The following RP1 variants were observed in gnomAD, a reference collection of about 807,000 sequenced individuals.
RP1 encodes RP1 axonemal microtubule associated.
Under a neutral mutation model 14.8 loss-of-function variants are expected in RP1, and 16 were observed. That is an observed-to-expected ratio of 1.08 (90% CI 0.73 to 1.65). RP1 has a LOEUF of 1.65. Among genes scored for constraint, RP1 ranks in the 40% most tolerant of loss-of-function variants. The probability of loss-of-function intolerance (pLI) is 0.00; values close to 1 mark genes in which losing one functional copy is unlikely to be tolerated. For synonymous variants in RP1, 876 were observed against 883.6 expected (o/e 0.99, Z 0.15); for missense variants, 2,631 against 2,535.0 (o/e 1.04, Z -0.81).
chr8:54,739,119 C>T, intron 19 of RP1: 1 of 850,466 alleles, frequency 1.2e-6, no homozygotes, highest in South Asian at 1.8e-5. Flanking sequence ...CGGTATTTTC[C>T]TAATTACAGA....
At chr8:54,694,853 T>C (rs1418305795) in intron 12 of RP1, among the ~76,000 whole-genome samples, 1 of 152,196 alleles carries the variant, frequency 6.6e-6, no homozygotes, top group Non-Finnish European at 1.5e-5. Flanking sequence ...ATTTCTTGCC[T>C]TCTGCTAGCT....
intron 12 of RP1, among the ~76,000 whole-genome samples, chr8:54,685,358 T>C (rs1322842514): frequency 1.3e-5 from 2 of 152,204 alleles, no homozygotes; most frequent in East Asian, 3.8e-4. Context: ...GTTGTCTCTT[T>C]GTTCTCATTA....
chr8:54,642,619 A>T (rs1181778742), intron 3 of RP1, among the ~76,000 whole-genome samples: 1 of 152,110 alleles, frequency 6.6e-6, no homozygotes, highest in East Asian at 1.9e-4. Context: ...TCTGTATTTA[A>T]AGATACATGA....
intron 24 of RP1, among the ~76,000 whole-genome samples, chr8:54,832,707 ACT>A (rs1381166573): frequency 6.6e-6 from 1 of 151,026 alleles, no homozygotes; most frequent in Non-Finnish European, 1.5e-5. Flanking sequence ...TAGTGCAGTA[ACT>A]CTGTATTCTG....
At chr8:54,777,236 T>A (rs1810065356) in intron 23 of RP1, among the ~76,000 whole-genome samples, 1 of 152,230 alleles carries the variant, frequency 6.6e-6, no homozygotes, top group South Asian at 2.1e-4. Context: ...ATGGAACCTA[T>A]CCCTGTCTTG....
At chr8:54,740,403 T>TAAAAAAAAAAAAAAAAAA (rs34753388) in intron 19 of RP1, among the ~76,000 whole-genome samples, 6 of 80,244 alleles carry the variant, frequency 7.5e-5, no homozygotes, top group African/African-American at 2.8e-4. Flanking sequence ...GCTTAAAAAG[T>TAAAAAAAAAAAAAAAAAA]AAAAAAAAAA....
At chr8:54,860,644 C>T (rs529552332) in intron 27 of RP1, among the ~76,000 whole-genome samples, 1 of 152,296 alleles carries the variant, frequency 6.6e-6, no homozygotes, top group Admixed American at 6.5e-5. Context: ...TTCCAGAGGT[C>T]CTCAGACTGC....
intron 3 of RP1, among the ~76,000 whole-genome samples, chr8:54,641,627 C>G (rs1293739799): frequency 6.6e-6 from 1 of 151,882 alleles, no homozygotes; most frequent in Admixed American, 6.6e-5. Context: ...GCTTTTTTGC[C>G]CTCCAAAAAC....
intron 26 of RP1, among the ~76,000 whole-genome samples, chr8:54,853,967 G>A (rs1812125595): frequency 6.8e-6 from 1 of 146,622 alleles, no homozygotes; most frequent in Non-Finnish European, 1.5e-5. Context: ...AGAAAAGAGA[G>A]AAAGAAAGAG....
chr8:54,570,505 T>G (rs752487031), intron 1 of RP1, among the ~76,000 whole-genome samples: 5 of 151,942 alleles, frequency 3.3e-5, no homozygotes, highest in Admixed American at 1.3e-4. Flanking sequence ...ATTTTTATAT[T>G]TTTAGTAGAG....
intron 1 of RP1, among the ~76,000 whole-genome samples, chr8:54,619,897 A>G (rs1805814471): frequency 6.6e-6 from 1 of 152,156 alleles, no homozygotes; most frequent in Non-Finnish European, 1.5e-5. Flanking sequence ...TGTCAAGTAC[A>G]TTTTCCTCCA....
Position 54,628,017 on chromosome 8 carries a change from G to A in RP1, c.4135G>A (p.Glu1379Lys), listed in dbSNP as rs1806123708. 6.2e-7 allele frequency: 1 copy of A among 1,613,854 alleles called. No individual in the cohort carries two copies. Residue 1379 changes from glutamate (E) to lysine (K), a missense_variant, in exon 4 of 4, where the codon GAA becomes AAA. Glu to Lys is a moderately conservative substitution (Grantham distance 56). Transcript: ENST00000220676. ...AGATCTAAATATTTTGACAGACCCT[G>A]AATATAAAAATGGATTTAATACATT... ...QKDLNILTDPEYKNGFNTLVS... is the reference protein window; with the variant it reads ...QKDLNILTDPKYKNGFNTLVS...
At chr8:54,726,474 C>A in exon 17 of RP1, 1 of 1,524,862 alleles carries the variant, frequency 6.6e-7, no homozygotes, top group Non-Finnish European at 8.7e-7. Context: ...TCTTCAACTG[C>A]AAGTAAGCCA....
intron 24 of RP1, among the ~76,000 whole-genome samples, chr8:54,800,093 A>C (rs976213789): frequency 6.6e-6 from 1 of 152,060 alleles, no homozygotes; most frequent in Admixed American, 6.6e-5. Context: ...TCATTTTTAA[A>C]TGATGTTTTT....
chr8:54,620,169 A>G (rs1047264992), intron 1 of RP1, among the ~76,000 whole-genome samples: 4 of 152,218 alleles, frequency 2.6e-5, no homozygotes, highest in African/African-American at 9.6e-5. Context: ...TGGGTTGTAT[A>G]TATTTCTGGA....
intron 19 of RP1, among the ~76,000 whole-genome samples, chr8:54,743,014 A>G (rs921095931): frequency 7.2e-5 from 11 of 152,192 alleles, no homozygotes; most frequent in African/African-American, 2.4e-4. Flanking sequence ...AAGTGGGTAG[A>G]ACACTAATTA....
intron 22 of RP1, chr8:54,759,127 ATGCTG>A: frequency 2.9e-6 from 3 of 1,021,290 alleles, no homozygotes; most frequent in African/African-American, 1.8e-5. Flanking sequence ...ACTGTGGATG[ATGCTG>A]TGTGTGTGTG....
intron 24 of RP1, among the ~76,000 whole-genome samples, chr8:54,784,384 C>A (rs1463961809): frequency 6.6e-6 from 1 of 152,058 alleles, no homozygotes; most frequent in Non-Finnish European, 1.5e-5. Flanking sequence ...ACAATATGGC[C>A]ATTACATAGT....
chr8:54,856,136 C>A (rs534480483), intron 26 of RP1, among the ~76,000 whole-genome samples: 1 of 152,246 alleles, frequency 6.6e-6, no homozygotes, highest in Admixed American at 6.5e-5. Context: ...ATGAACAAGA[C>A]GCTGCTGAGC....
Sources: gnomAD v4.1 joint callset for allele counts (sites outside exome capture counted in the v4.1 genomes callset) on GRCh38, gnomAD v4.1.1 for gene constraint, MANE v1.5 for transcripts, NCBI Gene and HGNC (gene_info 2026-07-23, HGNC 2026-07-21) for gene names.